Variants in ATP2C1 observed in about 807,000 individuals in gnomAD.
ATP2C1 encodes ATPase secretory pathway Ca2+ transporting 1.
In ATP2C1, 31 loss-of-function variants were observed where a neutral mutation model predicts 120.5. That is an observed-to-expected ratio of 0.26 (90% CI 0.19 to 0.35). ATP2C1 has a LOEUF of 0.35. ATP2C1 is among the 10% of genes least tolerant of loss of function. The pLI is 1.00. For synonymous variants in ATP2C1, 351 were observed against 358.7 expected (o/e 0.98, Z 0.24); for missense variants, 731 against 1,107.5 (o/e 0.66, Z 4.83).
chr3:131,006,177 T>A (rs967661236), downstream of ATP2C1, among the ~76,000 whole-genome samples: 1 of 152,196 alleles, frequency 6.6e-6, no homozygotes, highest in African/African-American at 2.4e-5. Context: ...AGTGGTGCGA[T>A]CTTGGCTCAC....
intron 4 of ATP2C1, among the ~76,000 whole-genome samples, chr3:130,933,456 A>G (rs1245191198): frequency 6.6e-6 from 1 of 152,160 alleles, no homozygotes; most frequent in African/African-American, 2.4e-5. Context: ...TCCTTATAAC[A>G]GTTCTTTGGT....
chr3:130,945,313 T>G (rs1017892740), intron 8 of ATP2C1, among the ~76,000 whole-genome samples: 1 of 152,210 alleles, frequency 6.6e-6, no homozygotes, highest in South Asian at 2.1e-4. Flanking sequence ...GCAATCTTAT[T>G]GACTATGTAT....
At chr3:130,955,751 A>C (rs1433310812) in intron 10 of ATP2C1, 8 of 241,036 alleles carry the variant, frequency 3.3e-5, no homozygotes, top group Non-Finnish European at 6.6e-5. Flanking sequence ...TGGATACCAA[A>C]AGGGAAAAAT....
intron 18 of ATP2C1, among the ~76,000 whole-genome samples, chr3:130,977,335 A>G (rs2061570116): frequency 6.6e-6 from 1 of 152,190 alleles, no homozygotes; most frequent in Non-Finnish European, 1.5e-5. Flanking sequence ...CCGTTGGTGA[A>G]CAAAATGTGA....
In ATP2C1 at chr3:130,943,414, G is replaced by T. The variant is rs372800081; in HGVS notation, c.531+1715G>T. Among the ~76,000 whole-genome samples the T allele has an allele frequency of 1.8e-4, 27 of 152,088 alleles. 1 individual carries two copies. The East Asian group carries it at 3.7e-3, about 21-fold the overall frequency. On this transcript the variant is annotated intron_variant, in intron 8 of 27. Transcript: ENST00000510168. ...GTATTTTTAGTAGAGACGGGGTTTG[G>T]CTGTGTTGGCCAGGCTGGTTTTGAA...
chr3:130,925,225 A>C (rs147513597), intron 2 of ATP2C1, among the ~76,000 whole-genome samples: 313 of 152,246 alleles, frequency 2.1e-3, no homozygotes, highest in South Asian at 7.3e-3. Context: ...AAGATCTGGG[A>C]TTCAAGGGCT....
Position 130,996,747 on chromosome 3 carries a change from A to T in ATP2C1, c.2194A>T (p.Met732Leu). The change falls in exon 24 of 28, where the codon ATG (methionine) becomes TTG (leucine). Residue 732 changes from methionine to leucine, a missense_variant. By Grantham distance (15) the Met-to-Leu change is conservative. Around this residue, in one of 3 missense-constraint regions of ATP2C1, gnomAD observed 19 missense variants for 60.0 expected, o/e 0.32. Transcript: ENST00000510168. ...GAACTTTCCTAATCCTCTCAATGCC[A>T]TGCAGATTTTGTGGATCAATATTAT... ...LMNFPNPLNA[M>L]QILWINIIMD... 1 of 1,613,514 alleles carries T rather than the reference A, an allele frequency of 6.2e-7. No individual in the cohort carries two copies. The highest frequency in any genetic ancestry group is 8.5e-7 in the Non-Finnish European group (1 of 1,179,474).
In ATP2C1 at chr3:130,930,475, A is replaced by T. The variant is rs1559936839; in HGVS notation, c.66A>T (p.Thr22=). 1.3e-5 allele frequency: 21 copies of T among 1,613,652 alleles called. No individual in the cohort carries two copies. Among genetic ancestry groups the T allele is most frequent in the Non-Finnish European group, 1.8e-5 (21 of 1,179,580 alleles). ...GENETMIPVL[T]SKKASELPVS... is the part of the protein sequence containing the mutation. Reference sequence around the variant, plus strand: ...ATGAGACAATGATTCCTGTATTGACATCAAAAAAAGCAAGTGAATTACCAG... The same window carrying T: ...ATGAGACAATGATTCCTGTATTGACTTCAAAAAAAGCAAGTGAATTACCAG... The change falls in exon 3 of 28, where the codon ACA becomes ACT. Residue 22 remains threonine, a synonymous_variant. Transcript: ENST00000510168.
At chr3:130,996,545 T>C in intron 23 of ATP2C1, 135 bp from the exon 24 acceptor site, 1 of 721,304 alleles carries the variant, frequency 1.4e-6, no homozygotes, top group Non-Finnish European at 2.5e-6. Flanking sequence ...TCCACGTGAC[T>C]GAAGAATAGT....
At chr3:130,884,930 C>CTTTTTTTTTTTTTTTTTTTT (rs35931105) in intron 1 of ATP2C1, among the ~76,000 whole-genome samples, 1 of 120,844 alleles carries the variant, frequency 8.3e-6, no homozygotes, top group East Asian at 2.4e-4. Flanking sequence ...TCTTTTCTTT[C>CTTTTTTTTTTTTTTTTTTTT]TTTTTTTTTT....
upstream of ATP2C1, among the ~76,000 whole-genome samples, chr3:130,891,441 C>T (rs955138744): frequency 5.3e-5 from 8 of 152,144 alleles, no homozygotes; most frequent in East Asian, 3.9e-4. Context: ...TTCCCCCAAG[C>T]GGAAAAGCCT....
Position 130,999,616 on chromosome 3 carries a change from T to G in ATP2C1, c.2586T>G (p.Pro862=). The G allele has an allele frequency of 6.2e-7, 1 of 1,613,576 alleles. No individual in the cohort carries two copies. The highest frequency in any genetic ancestry group is 1.3e-5 in the African/African-American group (1 of 75,038). The change falls in exon 27 of 28, where the codon CCT becomes CCG. Residue 862 remains proline (P), a synonymous_variant. Coordinates refer to ENST00000510168, the MANE Select transcript of ATP2C1 (RefSeq NM_001378687.1). The part of the protein sequence containing the change: ...IMGQLLVIYF[P]PLQKVFQTES... Reference sequence around the variant, plus strand: ...GACAATTACTAGTTATTTACTTTCCTCCGCTTCAGAAGGTTTTTCAGACTG... The same window carrying G: ...GACAATTACTAGTTATTTACTTTCCGCCGCTTCAGAAGGTTTTTCAGACTG...
rs200576649 is a variant in ATP2C1 at position 130,980,588 on chromosome 3, G to A, written c.1748G>A (p.Arg583His). 5.3e-5 allele frequency: 85 copies of A among 1,612,596 alleles called. No homozygotes were observed. The highest frequency in any genetic ancestry group is 2.5e-4 in the East Asian group (11 of 44,794). Residue 583 changes from arginine (R) to histidine (H), a missense_variant, in exon 20 of 28, where the codon CGT becomes CAT. This residue lies in a region of ATP2C1 where 571 missense variants were observed against 845.9 expected (regional missense o/e 0.67). Transcript: ENST00000510168. ...SQETAVAIAS[R>H]LGLYSKTSQS... ...TCTCTCTCATTTGCTTTAGCCAGTCGTCTGGGATTGTATTCCAAAACTTCC... is the reference window on the plus strand; with the variant it reads ...TCTCTCTCATTTGCTTTAGCCAGTCATCTGGGATTGTATTCCAAAACTTCC...
chr3:130,883,923 CT>C (rs2068870046), intron 1 of ATP2C1, among the ~76,000 whole-genome samples: 1 of 143,276 alleles, frequency 7.0e-6, no homozygotes, highest in African/African-American at 2.6e-5. Flanking sequence ...TCTTTTCTTT[CT>C]TTCTTTCTTT....
chr3:130,962,715 T>TAAAAAAAAAA (rs71133621), intron 12 of ATP2C1, among the ~76,000 whole-genome samples: 2 of 114,214 alleles, frequency 1.8e-5, no homozygotes, highest in African/African-American at 6.6e-5. Flanking sequence ...ATGGAAGCAT[T>TAAAAAAAAAA]AAAAAAAAAA....
At chr3:130,929,578 G>C (rs1390322022) in intron 2 of ATP2C1, among the ~76,000 whole-genome samples, 1 of 152,134 alleles carries the variant, frequency 6.6e-6, no homozygotes, top group Non-Finnish European at 1.5e-5. Flanking sequence ...TGGATGTGTG[G>C]CAATTCAAGT....
rs976247593 is a variant in ATP2C1 at position 131,002,482 on chromosome 3, T to G, written c.*1132T>G. ...GAGTATATCTCTTCTACTTTCATCATGTGTTCTGTACCTTCTTTTTGTTTC... is the reference window on the plus strand; with the variant it reads ...GAGTATATCTCTTCTACTTTCATCAGGTGTTCTGTACCTTCTTTTTGTTTC... On this transcript the variant is annotated 3_prime_UTR_variant, in exon 28 of 28. Coordinates refer to ENST00000510168, the MANE Select transcript of ATP2C1 (RefSeq NM_001378687.1). 2 of 985,310 alleles carry G rather than the reference T, an allele frequency of 2.0e-6. No homozygotes were observed. Among genetic ancestry groups the G allele is most frequent in the Non-Finnish European group, 2.4e-6 (2 of 829,926 alleles). The allele number at this position is 985,310 out of a possible 1,614,324, so 61.0% of individuals were successfully genotyped here. A position where few individuals can be genotyped will look rare whatever the true frequency, so the allele number is the denominator to read the frequency against.
chr3:130,882,385 G>A (rs1248815963), intron 1 of ATP2C1, among the ~76,000 whole-genome samples: 3 of 151,952 alleles, frequency 2.0e-5, no homozygotes, highest in African/African-American at 7.3e-5. Flanking sequence ...ATTTTTAGTA[G>A]AGATGAGGTT....
chr3:130,970,515 C>T (rs1339844802), intron 17 of ATP2C1, among the ~76,000 whole-genome samples: 1 of 152,038 alleles, frequency 6.6e-6, no homozygotes, highest in African/African-American at 2.4e-5. Context: ...ACTTCAGCTT[C>T]CCAAGTAGCT....
Sources: gnomAD v4.1 joint callset for allele counts (sites outside exome capture counted in the v4.1 genomes callset) on GRCh38, gnomAD v4.1.1 for gene constraint, gnomAD v4.1.1 regional missense constraint, MANE v1.5 for transcripts, NCBI Gene and HGNC (gene_info 2026-07-23, HGNC 2026-07-21) for gene names.